Variants in TERT observed in about 807,000 individuals in gnomAD.
TERT encodes telomerase reverse transcriptase, also known as telomerase catalytic subunit.
TERT carries 42 observed loss-of-function variants against 104.0 expected under a neutral mutation model. That is an observed-to-expected ratio of 0.40 (90% CI 0.32 to 0.52). The LOEUF (loss-of-function observed/expected upper bound fraction) is 0.52. TERT is among the 20% of genes least tolerant of loss of function. TERT has a pLI of 0.43. For missense variants in TERT, 1,101 were observed against 1,610.3 expected (o/e 0.68, Z 5.41); for synonymous variants, 781 against 725.6 (o/e 1.08, Z -1.23).
intron 2 of TERT, among the ~76,000 whole-genome samples, chr5:1,291,714 G>A (rs1750997853): frequency 6.7e-6 from 1 of 149,956 alleles, no homozygotes; most frequent in Non-Finnish European, 1.5e-5. Flanking sequence ...ACACGTGACA[G>A]GGACACCTGG....
At position 1,265,146 on chromosome 5, in the gene TERT, G is replaced by A. The variant is rs1451937064; in HGVS notation, c.2655-554C>T. On this transcript the variant is annotated intron_variant, in intron 10 of 15. Transcript: ENST00000310581. This position sits in a 1 kb window ranked among gnomAD's most constrained non-coding sequence, Gnocchi z 6.9. ...CCAGTCGTCAGCTTCACGTCAAGGA[G>A]GTTCCCTCGCCGAGTCATGAGCCTC... is the stretch of plus-strand genomic sequence containing the variant. Among the ~76,000 whole-genome samples the A allele has an allele frequency of 6.6e-6, 1 of 152,192 alleles. No individual in the cohort carries two copies.
chr5:1,280,282 T>G lies in TERT; in HGVS notation c.1826A>C (p.His609Pro). 1 of 1,613,730 alleles carries G rather than the reference T, an allele frequency of 6.2e-7. No homozygotes were observed. Among genetic ancestry groups the G allele is most frequent in the Non-Finnish European group, 8.5e-7 (1 of 1,180,026 alleles). The change falls in exon 4 of 16, where the codon CAT becomes CCT. Residue 609 changes from histidine (H) to proline (P), a missense_variant. Coordinates refer to ENST00000310581, the MANE Select transcript of TERT (RefSeq NM_198253.3). ...RELSEAEVRQ[H>P]REARPALLTS... ...CAGCAGGGCGGGCCTGGCTTCCCGA[T>G]GCTGCCTGACCTCTGCTTCCGACAG...
At position 1,262,702 on chromosome 5, in the gene TERT, G is replaced by A. The variant is rs1385109075; in HGVS notation, c.2843+1702C>T. Among the ~76,000 whole-genome samples the A allele has an allele frequency of 6.6e-6, 1 of 152,226 alleles. No homozygotes were observed. The highest frequency in any genetic ancestry group is 1.5e-5 in the Non-Finnish European group (1 of 68,034). ...ATCCTGCACTAGCCTCTGTGGCTTT[G>A]CAATGTGTTTAGAGAGAACCCATTT... On this transcript the variant is annotated intron_variant, in intron 11 of 15. Coordinates refer to ENST00000310581, the MANE Select transcript of TERT (RefSeq NM_198253.3). The surrounding 1 kb of genome is among the most constrained non-coding windows in gnomAD (Gnocchi z 5.6).
chr5:1,267,766 C>T (rs35812074), intron 9 of TERT, among the ~76,000 whole-genome samples: 109 of 152,202 alleles, frequency 7.2e-4, no homozygotes, highest in African/African-American at 2.5e-3. Flanking sequence ...TTCTCACTCA[C>T]AGGTGGGAAC....
chr5:1,260,716 G>A (rs1748173133), intron 11 of TERT, 116 bp from the exon 12 acceptor site: 1 of 1,457,614 alleles, frequency 6.9e-7, no homozygotes, highest in Non-Finnish European at 9.4e-7. Flanking sequence ...CCTGCCTGGG[G>A]CATGCGCTGC....
chr5:1,278,282 C>T (rs1165844095), intron 6 of TERT, among the ~76,000 whole-genome samples: 1 of 152,192 alleles, frequency 6.6e-6, no homozygotes, highest in Non-Finnish European at 1.5e-5. Context: ...AGGGGCCACA[C>T]ACACCCATGC....
chr5:1,280,052 C>T, intron 4 of TERT, 106 bp downstream of exon 4: 1 of 1,428,310 alleles, frequency 7.0e-7, no homozygotes, highest in Non-Finnish European at 9.9e-7. Flanking sequence ...ATGGCCCTGG[C>T]TGTGTCCCGT....
Position 1,287,603 on chromosome 5 carries a change from T to C in TERT, c.1574-4979A>G, listed in dbSNP as rs1179770084. 6.6e-6 allele frequency among the ~76,000 whole-genome samples: 1 copy of C among 150,606 alleles called. No homozygotes were observed. The highest frequency in any genetic ancestry group is 1.5e-5 in the Non-Finnish European group (1 of 67,620). On this transcript the variant is annotated intron_variant, in intron 2 of 15. Transcript: ENST00000310581. This position sits in a 1 kb window ranked among gnomAD's most constrained non-coding sequence, Gnocchi z 4.3. The stretch of plus-strand genomic sequence containing the variant: ...CCAGTGTGGCAGTACTAAGAGCAAT[T>C]TAAAAAAAGAATTACTAGATTACTA...
chr5:1,280,856 T>TCACC, intron 3 of TERT, among the ~76,000 whole-genome samples: 1 of 152,366 alleles, frequency 6.6e-6, no homozygotes. Flanking sequence ...CCTCTGCCCT[T>TCACC]TGGCCTTTTC....
chr5:1,294,699 G>A (rs983899626), intron 1 of TERT, 33 bp from the exon 2 acceptor site: 2 of 1,583,654 alleles, frequency 1.3e-6, no homozygotes, highest in Admixed American at 1.7e-5. Flanking sequence ...CGCCTGCGCT[G>A]CTCTCCGCAT....
At position 1,294,992 on chromosome 5, in the gene TERT, CG is replaced by C; in HGVS notation, c.-4del. ...CGGCAGCGGGGAGCGCGCGGCATCG[CG>C]GGGGTGGCCGGGGCCAGGGCTTCCC... On this transcript the variant is annotated 5_prime_UTR_variant, in exon 1 of 16. Coordinates refer to ENST00000310581, the MANE Select transcript of TERT (RefSeq NM_198253.3). The C allele has an allele frequency of 7.6e-7, 1 of 1,312,626 alleles. No homozygotes were observed. The highest frequency in any genetic ancestry group is 9.6e-7 in the Non-Finnish European group (1 of 1,038,254). The allele number at this position is 1,312,626 out of a possible 1,614,324, so 81.3% of individuals were successfully genotyped here. A position where few individuals can be genotyped will look rare whatever the true frequency, so the allele number is the denominator to read the frequency against.
At chr5:1,291,856 A>G (rs2126680545) in intron 2 of TERT, among the ~76,000 whole-genome samples, 1 of 152,364 alleles carries the variant, frequency 6.6e-6, no homozygotes, top group South Asian at 2.1e-4. Context: ...AGTCCTGATC[A>G]GAGAACTCAA....
At chr5:1,277,029 G>A (rs114639031) in intron 6 of TERT, among the ~76,000 whole-genome samples, 151 of 152,318 alleles carry the variant, frequency 9.9e-4, no homozygotes, top group African/African-American at 3.1e-3. Flanking sequence ...GCAGGCAGGC[G>A]CCCCATACAG....
rs11742908 is a variant in TERT, at chr5:1,270,868, C to G, written c.2468+251G>C. Among the ~76,000 whole-genome samples the G allele has an allele frequency of 0.24, 37,162 of 152,190 alleles. 5,407 individuals are homozygous for G. The highest frequency in any genetic ancestry group is 0.41 in the African/African-American group (16,844 of 41,506). ...CCCCTCGTCCTCCACGCAGGAGCAA[C>G]TCCACACCCCGCTTGCCATTTCCAG... On this transcript the variant is annotated intron_variant, in intron 8 of 15. Coordinates refer to ENST00000310581, the MANE Select transcript of TERT (RefSeq NM_198253.3). The surrounding 1 kb of genome is among the most constrained non-coding windows in gnomAD (Gnocchi z 8.3).
Position 1,293,669 on chromosome 5 carries a change from C to A in TERT, c.1217G>T (p.Gly406Val). ...CGGGCAGTGCGTCTTGAGGAGCACC[C>A]CGTAGGGGCACTGCGCGTGGTTCCC... The part of the protein sequence containing the change: ...LLGNHAQCPY[G>V]VLLKTHCPLR... Residue 406 changes from glycine to valine, a missense_variant, in exon 2 of 16, where the codon GGG (glycine) becomes GTG (valine). This residue lies in a region of TERT where 504 missense variants were observed against 544.6 expected (regional missense o/e 0.93). Transcript: ENST00000310581. The A allele has an allele frequency of 6.4e-7, 1 of 1,567,764 alleles. No individual in the cohort carries two copies. Among genetic ancestry groups the A allele is most frequent in the East Asian group, 2.3e-5 (1 of 42,862 alleles).
In TERT at chr5:1,260,846, C is replaced by T. The variant is rs36049021; in HGVS notation, c.2844-246G>A. 4.8e-3 allele frequency among the ~76,000 whole-genome samples: 736 copies of T among 152,346 alleles called. 4 individuals are homozygous for T. Among genetic ancestry groups the T allele is most frequent in the African/African-American group, 0.017 (706 of 41,580 alleles). On this transcript the variant is annotated intron_variant, in intron 11 of 15. Transcript: ENST00000310581. ...ATGTTGAGTGTATCCAAACCTCGCA[C>T]GGCCGTGTTTGTGCACTCATCATCT...
Position 1,293,886 on chromosome 5 carries a change from A to C in TERT, c.1000T>G (p.Ser334Ala), listed in dbSNP as rs1453879671. The C allele has an allele frequency of 6.5e-7, 1 of 1,543,192 alleles. No homozygotes were observed. Among genetic ancestry groups the C allele is most frequent in the Non-Finnish European group, 8.7e-7 (1 of 1,146,942 alleles). ...CGCAGCTGCTCCTTGTCGCCTGAGG[A>C]GTAGAGGAAGTGCTTGGTCTCGGCG... ...VYAETKHFLYSSGDKEQLRPS... is the reference protein window; with the variant it reads ...VYAETKHFLYASGDKEQLRPS... The change falls in exon 2 of 16, where the codon TCC becomes GCC. Residue 334 changes from serine (S) to alanine (A), a missense_variant. Around this residue, in one of 5 missense-constraint regions of TERT, gnomAD observed 504 missense variants for 544.6 expected, o/e 0.93. Coordinates refer to ENST00000310581, the MANE Select transcript of TERT (RefSeq NM_198253.3).
chr5:1,292,479 T>C lies in TERT; in HGVS notation c.1573+834A>G, dbSNP rs1751054308. ...ATCTGTGCTGGAGAACAGTCTTATC[T>C]CCCTCCCTCTACCCTGTCCTGGCAC... On this transcript the variant is annotated intron_variant, in intron 2 of 15. Transcript: ENST00000310581. The surrounding 1 kb of genome is among the most constrained non-coding windows in gnomAD (Gnocchi z 5.5). Among the ~76,000 whole-genome samples the C allele has an allele frequency of 6.6e-6, 1 of 151,764 alleles. No individual in the cohort carries two copies. The highest frequency in any genetic ancestry group is 1.5e-5 in the Non-Finnish European group (1 of 67,954).
At position 1,263,269 on chromosome 5, in the gene TERT, C is replaced by T. The variant is rs1161058269; in HGVS notation, c.2843+1135G>A. Among the ~76,000 whole-genome samples, 1 of 152,222 alleles carries T rather than the reference C, an allele frequency of 6.6e-6. No homozygotes were observed. Among genetic ancestry groups the T allele is most frequent in the East Asian group, 1.9e-4 (1 of 5,202 alleles). On this transcript the variant is annotated intron_variant, in intron 11 of 15. Transcript: ENST00000310581. This position sits in a 1 kb window ranked among gnomAD's most constrained non-coding sequence, Gnocchi z 5.3. ...CCTCTGGTTTAACAACCATCCACCA[C>T]TTATTTCTCTTCCCATGAAGGTGTG...
Sources: allele counts gnomAD v4.1 joint callset (sites outside exome capture counted in the v4.1 genomes callset), GRCh38; gene constraint gnomAD v4.1.1; regional missense constraint gnomAD v4.1.1; non-coding constraint Gnocchi (gnomAD v3.1); transcripts MANE v1.5; gene names NCBI Gene and HGNC (gene_info 2026-07-23, HGNC 2026-07-21).